The following CHDH variants were observed in gnomAD, a reference collection of about 807,000 sequenced individuals.
CHDH encodes the protein choline dehydrogenase.
In CHDH, 43 loss-of-function variants were observed where a neutral mutation model predicts 56.9. That is an observed-to-expected ratio of 0.76 (90% CI 0.59 to 0.97). The LOEUF is 0.97. Ranked by LOEUF, CHDH falls within the 50% of genes least tolerant of loss-of-function variation. The pLI, the probability that CHDH is intolerant of heterozygous loss-of-function variation, is 0.00. For missense variants in CHDH, 816 were observed against 821.1 expected (o/e 0.99, Z 0.08); for synonymous variants, 364 against 348.5 (o/e 1.04, Z -0.50).
chr3:53,831,227 G>A (rs1052095459), intron 2 of CHDH, among the ~76,000 whole-genome samples: 8 of 152,216 alleles, frequency 5.3e-5, no homozygotes, highest in African/African-American at 1.7e-4. Flanking sequence ...TGGTGTGAGT[G>A]CCAGCTCAGC....
intron 2 of CHDH, among the ~76,000 whole-genome samples, chr3:53,827,259 T>C (rs2095640691): frequency 6.6e-6 from 1 of 152,150 alleles, no homozygotes; most frequent in Non-Finnish European, 1.5e-5. Flanking sequence ...TTTATAAGCG[T>C]GTGGCACCTC....
chr3:53,824,416 T>C (rs1449722648), intron 2 of CHDH, among the ~76,000 whole-genome samples: 1 of 152,226 alleles, frequency 6.6e-6, no homozygotes, highest in Non-Finnish European at 1.5e-5. Flanking sequence ...GTATTTGTAC[T>C]CATCCCTTCA....
At chr3:53,822,752 G>A (rs1559751115) in intron 3 of CHDH, 110 bp from the exon 4 acceptor site, 2 of 1,341,120 alleles carry the variant, frequency 1.5e-6, no homozygotes, top group East Asian at 5.0e-5. Context: ...CTGACTGCAA[G>A]TCCCGCCTTC....
At chr3:53,822,726 G>A in intron 3 of CHDH, 84 bp from the exon 4 acceptor site, 2 of 1,501,726 alleles carry the variant, frequency 1.3e-6, no homozygotes, top group South Asian at 1.2e-5. Context: ...GAAAGAAAGA[G>A]TGGATATGCC....
In CHDH at chr3:53,826,070, C is replaced by A. The variant is rs183893462; in HGVS notation, c.-59-2003G>T. 3.1e-4 allele frequency among the ~76,000 whole-genome samples: 47 copies of A among 152,116 alleles called. 1 individual carries two copies. The highest frequency in any genetic ancestry group is 2.8e-3 in the Admixed American group (43 of 15,276). ...GAAAGATACAAGCTGCCAAAACTCACACAAGCAGAAAGACACTCCAGATAA... is the reference window on the plus strand; with the variant it reads ...GAAAGATACAAGCTGCCAAAACTCAAACAAGCAGAAAGACACTCCAGATAA... On this transcript the variant is annotated intron_variant, in intron 2 of 8. Transcript: ENST00000315251.
intron 2 of CHDH, among the ~76,000 whole-genome samples, chr3:53,824,621 G>A (rs2095635660): frequency 6.6e-6 from 1 of 152,132 alleles, no homozygotes; most frequent in Admixed American, 6.5e-5. Context: ...TTGACCCGAG[G>A]GGCCATGGGG....
chr3:53,831,510 G>A (rs1041306519), intron 2 of CHDH, among the ~76,000 whole-genome samples: 1 of 152,234 alleles, frequency 6.6e-6, no homozygotes, highest in Non-Finnish European at 1.5e-5. Flanking sequence ...AGTGTTGGTG[G>A]CCACAGGGGT....
Position 53,846,212 on chromosome 3 carries a change from A to C in CHDH, c.-260T>G. Reference sequence around the variant, plus strand: ...GCCCCGCGCGCTCTCTGCGTCCGGAATGGGGACGCAGCAGTTCCGACCCGG... The same window carrying C: ...GCCCCGCGCGCTCTCTGCGTCCGGACTGGGGACGCAGCAGTTCCGACCCGG... On this transcript the variant is annotated 5_prime_UTR_variant, in exon 1 of 9. Coordinates refer to ENST00000315251, the MANE Select transcript of CHDH (RefSeq NM_018397.5). 25 of 186,590 alleles carry C rather than the reference A, an allele frequency of 1.3e-4. No homozygotes were observed. Among genetic ancestry groups the C allele is most frequent in the Non-Finnish European group, 2.0e-4 (18 of 91,026 alleles). The allele number at this position is 186,590 out of a possible 1,614,324, so 11.6% of individuals were successfully genotyped here. A position where few individuals can be genotyped will look rare whatever the true frequency, so the allele number is the denominator to read the frequency against.
At chr3:53,837,940 T>A (rs1698551356) in intron 2 of CHDH, among the ~76,000 whole-genome samples, 1 of 151,426 alleles carries the variant, frequency 6.6e-6, no homozygotes, top group African/African-American at 2.4e-5. Flanking sequence ...CGCCTTGTAG[T>A]CCCAGCTACT....
Position 53,813,660 on chromosome 3 carries a change from C to G in CHDH, c.*4117G>C, listed in dbSNP as rs982477468. On this transcript the variant is annotated 3_prime_UTR_variant, in exon 9 of 9. Coordinates refer to ENST00000315251, the MANE Select transcript of CHDH (RefSeq NM_018397.5). The stretch of plus-strand genomic sequence containing the variant: ...CAAACTGGCATTCTTACAGGCTGCA[C>G]CATTTCCTAGTATGTCTGCTTTAAG... 6.6e-6 allele frequency: 1 copy of G among 152,178 alleles called. No individual in the cohort carries two copies. The highest frequency in any genetic ancestry group is 2.4e-5 in the African/African-American group (1 of 41,448). The allele number at this position is 152,178 out of a possible 1,614,324, so 9.4% of individuals were successfully genotyped here. A position where few individuals can be genotyped will look rare whatever the true frequency, so the allele number is the denominator to read the frequency against.
In CHDH at chr3:53,832,298, A is replaced by G. The variant is rs542396463; in HGVS notation, c.-59-8231T>C. ...TGTAATCCCAGCACTTTGGGAGGCC[A>G]AGGTAGGCGGATCATGAGGTCAGGA... On this transcript the variant is annotated intron_variant, in intron 2 of 8. Transcript: ENST00000315251. Among the ~76,000 whole-genome samples the G allele has an allele frequency of 4.6e-4, 70 of 152,130 alleles. 3 individuals carry two copies. The highest frequency in any genetic ancestry group is 1.9e-4 in the Non-Finnish European group (13 of 68,004).
At chr3:53,823,267 G>C (rs549358390) in intron 3 of CHDH, 39 bp downstream of exon 3, 69 of 1,449,570 alleles carry the variant, frequency 4.8e-5, no homozygotes, top group Non-Finnish European at 5.8e-5. Flanking sequence ...GCTGGGGTAG[G>C]GGGTAGTGCT....
chr3:53,845,747 C>T (rs1215532148), intron 1 of CHDH, among the ~76,000 whole-genome samples: 2 of 152,216 alleles, frequency 1.3e-5, no homozygotes, highest in Non-Finnish European at 2.9e-5. Flanking sequence ...CTCCAAATCG[C>T]CAGTGCTGAC....
chr3:53,829,692 G>A (rs1698273229), intron 2 of CHDH, among the ~76,000 whole-genome samples: 2 of 152,182 alleles, frequency 1.3e-5, no homozygotes, highest in African/African-American at 2.4e-5. Context: ...TGGCATTCCT[G>A]CCTGGAGTAT....
chr3:53,832,401 G>A (rs1698363756), intron 2 of CHDH, among the ~76,000 whole-genome samples: 1 of 152,114 alleles, frequency 6.6e-6, no homozygotes, highest in Non-Finnish European at 1.5e-5. Context: ...GCATGGTGGT[G>A]GGTGCCTATA....
Position 53,827,822 on chromosome 3 carries a change from C to A in CHDH, c.-59-3755G>T, listed in dbSNP as rs114801172. Among the ~76,000 whole-genome samples, 1,213 of 152,278 alleles carry A rather than the reference C, an allele frequency of 8.0e-3. 16 individuals are homozygous for A. Among genetic ancestry groups the A allele is most frequent in the African/African-American group, 0.028 (1,153 of 41,544 alleles). On this transcript the variant is annotated intron_variant, in intron 2 of 8. Coordinates refer to ENST00000315251, the MANE Select transcript of CHDH (RefSeq NM_018397.5). ...AGATGTCAGTTCTTCTCAACTTCAT[C>A]TACAAATTCAATGCAGTCCCAGTCA... is the stretch of plus-strand genomic sequence containing the variant.
chr3:53,826,111 A>C (rs1371425904), intron 2 of CHDH, among the ~76,000 whole-genome samples: 1 of 152,190 alleles, frequency 6.6e-6, no homozygotes. Context: ...TATCTATTAA[A>C]GAAATTGAAT....
intron 2 of CHDH, among the ~76,000 whole-genome samples, chr3:53,832,867 G>T (rs1340516521): frequency 6.6e-6 from 1 of 152,170 alleles, no homozygotes; most frequent in Non-Finnish European, 1.5e-5. Context: ...AGTGGTGATG[G>T]GTGTACAACA....
At chr3:53,830,529 A>C (rs1054269101) in intron 2 of CHDH, among the ~76,000 whole-genome samples, 1 of 152,076 alleles carries the variant, frequency 6.6e-6, no homozygotes, top group Non-Finnish European at 1.5e-5. Context: ...TGAAGGGAGA[A>C]ATAAACAGTC....
Sources: allele counts gnomAD v4.1 joint callset (sites outside exome capture counted in the v4.1 genomes callset), GRCh38; gene constraint gnomAD v4.1.1; transcripts MANE v1.5; gene names NCBI Gene and HGNC (gene_info 2026-07-23, HGNC 2026-07-21).